NAF1: variants seen among roughly 807,000 people sequenced by gnomAD.
NAF1 encodes the protein H/ACA ribonucleoprotein complex non-core subunit NAF1.
Under a neutral mutation model 40.6 loss-of-function variants are expected in NAF1, and 11 were observed. The ratio of observed to expected loss-of-function variants is 0.27; its 90% confidence interval spans 0.17 to 0.45. The LOEUF (loss-of-function observed/expected upper bound fraction) is 0.45. Among genes scored for constraint, NAF1 ranks in the 20% least tolerant of loss-of-function variants. The pLI is 1.00. For missense variants in NAF1, 607 were observed against 611.1 expected (o/e 0.99, Z 0.07); for synonymous variants, 260 against 228.5 (o/e 1.14, Z -1.24).
chr4:163,166,297 C>A, intron 1 of NAF1, 66 bp downstream of exon 1: 1 of 1,507,294 alleles, frequency 6.6e-7, no homozygotes, highest in Admixed American at 2.2e-5. Flanking sequence ...GGCTCCTAGG[C>A]CCCAGCCACC....
chr4:163,146,770 G>A (rs920301499), intron 3 of NAF1, among the ~76,000 whole-genome samples: 3 of 152,184 alleles, frequency 2.0e-5, no homozygotes, highest in Admixed American at 6.5e-5. Flanking sequence ...AACGTAGCAA[G>A]ACCTTGTCTC....
intron 2 of NAF1, among the ~76,000 whole-genome samples, chr4:163,111,591 T>G (rs562523208): frequency 6.6e-6 from 1 of 152,150 alleles, no homozygotes; most frequent in Admixed American, 6.5e-5. Flanking sequence ...TGTCAGGGAG[T>G]TTGTGCATTT....
At chr4:163,140,197 GAAC>G (rs768285034) in intron 5 of NAF1, 23 bp downstream of exon 5, 2 of 1,544,716 alleles carry the variant, frequency 1.3e-6, no homozygotes, top group Admixed American at 2.1e-5. Flanking sequence ...GGTAAGTGAA[GAAC>G]AACATGCCGG....
At chr4:163,140,197 G>T in intron 5 of NAF1, 26 bp downstream of exon 5, 1 of 1,544,716 alleles carries the variant, frequency 6.5e-7, no homozygotes, top group South Asian at 1.2e-5. Context: ...GGTAAGTGAA[G>T]AACAACATGC....
intron 2 of NAF1, among the ~76,000 whole-genome samples, chr4:163,153,173 AC>A (rs1165802783): frequency 6.6e-6 from 1 of 152,098 alleles, no homozygotes; most frequent in Non-Finnish European, 1.5e-5. Flanking sequence ...CCGGACGAAT[AC>A]CACCCCCTGC....
chr4:163,146,854 TA>T (rs1731492005), intron 3 of NAF1, among the ~76,000 whole-genome samples: 1 of 152,196 alleles, frequency 6.6e-6, no homozygotes. Context: ...TTATTCCCAT[TA>T]GGTTGAGAAT....
At chr4:163,116,302 T>C (rs1730336270) in intron 2 of NAF1, among the ~76,000 whole-genome samples, 1 of 152,202 alleles carries the variant, frequency 6.6e-6, no homozygotes. Flanking sequence ...CAAGTGTCCT[T>C]ATTATGGAAT....
Position 163,166,845 on chromosome 4 carries a change from T to G in NAF1, c.-118A>C. ...CGCAGCAACACTGCCTGGGCCCAAC[T>G]TCCCGCGTTTCTCAGGTAACTACAC... On this transcript the variant is annotated 5_prime_UTR_variant, in exon 1 of 8. Coordinates refer to ENST00000274054, the MANE Select transcript of NAF1 (RefSeq NM_138386.3). 5 of 1,342,122 alleles carry G rather than the reference T, an allele frequency of 3.7e-6. No individual in the cohort carries two copies. Among genetic ancestry groups the G allele is most frequent in the East Asian group, 2.6e-5 (1 of 38,802 alleles). The allele number at this position is 1,342,122 out of a possible 1,614,324, so 83.1% of individuals were successfully genotyped here.
intron 1 of NAF1, 29 bp downstream of exon 1, chr4:163,166,334 C>A: frequency 6.5e-7 from 1 of 1,550,038 alleles, no homozygotes; most frequent in Non-Finnish European, 8.7e-7. Flanking sequence ...GACCTCTCCC[C>A]ACAGCTCCGG....
rs147672284 is a variant in NAF1 at position 163,153,060 on chromosome 4, G to A, written c.541-4626C>T. ...CCAGCAGCACTGCGCTCGATTTCTCGCCGAGCCTTAGCTGCCTTCCTGCGG... is the reference window on the plus strand; with the variant it reads ...CCAGCAGCACTGCGCTCGATTTCTCACCGAGCCTTAGCTGCCTTCCTGCGG... On this transcript the variant is annotated intron_variant, in intron 2 of 7. Coordinates refer to ENST00000274054, the MANE Select transcript of NAF1 (RefSeq NM_138386.3). Among the ~76,000 whole-genome samples, 1,410 of 152,320 alleles carry A rather than the reference G, an allele frequency of 9.3e-3. 29 individuals carry two copies. Among genetic ancestry groups the A allele is most frequent in the African/African-American group, 0.032 (1,323 of 41,572 alleles).
intron 1 of NAF1, 113 bp downstream of exon 1, chr4:163,166,250 C>T: frequency 2.2e-6 from 3 of 1,349,460 alleles, no homozygotes; most frequent in East Asian, 5.2e-5. Flanking sequence ...GCACCAACGA[C>T]CTGCCCACCC....
downstream of NAF1, among the ~76,000 whole-genome samples, chr4:163,107,018 G>A (rs1009271392): frequency 4.6e-5 from 7 of 151,020 alleles, no homozygotes; most frequent in Admixed American, 2.0e-4. Context: ...ATGGAGTCTC[G>A]CTCTGTCAGC....
chr4:163,131,043 T>C (rs1313728351), intron 7 of NAF1, among the ~76,000 whole-genome samples: 1 of 152,118 alleles, frequency 6.6e-6, no homozygotes, highest in Non-Finnish European at 1.5e-5. Context: ...CAGCTAATTT[T>C]TGTATTTTTA....
chr4:163,160,075 T>C lies in NAF1; in HGVS notation c.540+4142A>G, dbSNP rs77785076. ...TAAAATTGTTTAAAAAGAATCTCAA[T>C]TTTCCAATTCATCAAAACACTAAAT... On this transcript the variant is annotated intron_variant, in intron 2 of 7. Transcript: ENST00000274054. Among the ~76,000 whole-genome samples, 125 of 152,306 alleles carry C rather than the reference T, an allele frequency of 8.2e-4. 3 individuals are homozygous for C. In the South Asian group the frequency reaches 0.017, roughly 20 times the overall value.
At chr4:163,137,333 TA>T (rs1488314120) in intron 5 of NAF1, 83 bp from the exon 6 acceptor site, 1 of 1,435,654 alleles carries the variant, frequency 7.0e-7, no homozygotes, top group Non-Finnish European at 9.4e-7. Flanking sequence ...CAGAAAATAA[TA>T]AAGTAAAGGA....
At position 163,165,744 on chromosome 4, in the gene NAF1, C is replaced by G. The variant is rs147381716; in HGVS notation, c.365+619G>C. Reference sequence around the variant, plus strand: ...CCCACATGCTGGAGTCCTCTCCAGCCCAGAGATTTCATATTTAAAAGACAG... The same window carrying G: ...CCCACATGCTGGAGTCCTCTCCAGCGCAGAGATTTCATATTTAAAAGACAG... On this transcript the variant is annotated intron_variant, in intron 1 of 7. Transcript: ENST00000274054. Among the ~76,000 whole-genome samples the G allele has an allele frequency of 3.8e-4, 58 of 152,150 alleles. No homozygotes were observed. The East Asian group carries it at 8.7e-3, about 23-fold the overall frequency.
chr4:163,139,476 C>A (rs1280166133), intron 5 of NAF1, among the ~76,000 whole-genome samples: 3 of 151,996 alleles, frequency 2.0e-5, no homozygotes, highest in African/African-American at 7.2e-5. Context: ...ATCTTAAATT[C>A]ATATGCTATT....
intron 3 of NAF1, 44 bp from the exon 4 acceptor site, chr4:163,145,908 A>C: frequency 1.0e-6 from 1 of 984,294 alleles, no homozygotes; most frequent in Non-Finnish European, 1.5e-6. Flanking sequence ...TTATAAGAGA[A>C]TGTAGAATTT....
chr4:163,161,671 C>T (rs929279694), intron 2 of NAF1, among the ~76,000 whole-genome samples: 1 of 152,156 alleles, frequency 6.6e-6, no homozygotes, highest in East Asian at 1.9e-4. Context: ...TAATATGAGT[C>T]TCTGCTCCTC....
Sources: gnomAD v4.1 joint callset for allele counts (sites outside exome capture counted in the v4.1 genomes callset) on GRCh38, gnomAD v4.1.1 for gene constraint, MANE v1.5 for transcripts, NCBI Gene and HGNC (gene_info 2026-07-23, HGNC 2026-07-21) for gene names.